HDAC9: variants seen among roughly 807,000 people sequenced by gnomAD.
HDAC9 encodes the protein MEF-2 interacting transcription repressor (MITR) protein.
In HDAC9, 41 loss-of-function variants were observed where a neutral mutation model predicts 139.4. The ratio of observed to expected loss-of-function variants is 0.29; its 90% confidence interval spans 0.23 to 0.38. The LOEUF (loss-of-function observed/expected upper bound fraction) is 0.38, where lower values mean the gene tolerates loss of function less well. HDAC9 is among the 10% of genes least tolerant of loss of function. The pLI, the probability that HDAC9 is intolerant of heterozygous loss-of-function variation, is 1.00. For synonymous variants in HDAC9, 517 were observed against 476.2 expected, an observed-to-expected ratio of 1.09 and a Z score of -1.12; for missense variants, 1,147 against 1,297.0, an observed-to-expected ratio of 0.88 and a Z score of 1.78.
At chr7:18,192,954 G>A (rs1341702806) in intron 2 of HDAC9, among the ~76,000 whole-genome samples, 1 of 152,214 alleles carries the variant, frequency 6.6e-6, no homozygotes, top group African/African-American at 2.4e-5. Context: ...GAAACTGAAA[G>A]AGGCTGATTC....
intron 22 of HDAC9, among the ~76,000 whole-genome samples, chr7:18,881,842 C>T (rs1167111154): frequency 6.6e-6 from 1 of 152,104 alleles, no homozygotes; most frequent in African/African-American, 2.4e-5. Flanking sequence ...TTTCAGGCCA[C>T]AGCAAACATG....
intron 1 of HDAC9, among the ~76,000 whole-genome samples, chr7:18,294,378 T>C (rs1407013379): frequency 1.3e-5 from 2 of 152,122 alleles, no homozygotes; most frequent in African/African-American, 4.8e-5. Context: ...GGGTGTTGTA[T>C]TAATTTAACA....
At chr7:18,396,293 G>T (rs1019560759) in intron 1 of HDAC9, among the ~76,000 whole-genome samples, 2 of 152,008 alleles carry the variant, frequency 1.3e-5, no homozygotes, top group Non-Finnish European at 2.9e-5. Context: ...TTTTAGTGAG[G>T]AATATGGACA....
chr7:18,385,239 A>C (rs1158290052), intron 1 of HDAC9, among the ~76,000 whole-genome samples: 1 of 152,192 alleles, frequency 6.6e-6, no homozygotes, highest in Non-Finnish European at 1.5e-5. Flanking sequence ...CCAGATAAGA[A>C]ATAAGCACTT....
At chr7:18,160,613 TTTATTA>T (rs781001594) in intron 1 of HDAC9, among the ~76,000 whole-genome samples, 1 of 151,966 alleles carries the variant, frequency 6.6e-6, no homozygotes, top group Non-Finnish European at 1.5e-5. Flanking sequence ...AATGTTTGTA[TTTATTA>T]TTATTATTAT....
At chr7:18,435,043 T>G (rs1206240760) in intron 1 of HDAC9, among the ~76,000 whole-genome samples, 5 of 84,456 alleles carry the variant, frequency 5.9e-5, no homozygotes, top group African/African-American at 2.0e-4. Flanking sequence ...CTATACCCCA[T>G]GAAATACTAC....
chr7:18,155,313 G>A (rs1488557540), intron 1 of HDAC9, among the ~76,000 whole-genome samples: 2 of 152,070 alleles, frequency 1.3e-5, no homozygotes, highest in African/African-American at 4.8e-5. Context: ...TTATGATGTA[G>A]AGGCATTTGG....
chr7:18,804,388 C>A (rs1208246428), intron 17 of HDAC9, among the ~76,000 whole-genome samples: 2 of 152,130 alleles, frequency 1.3e-5, no homozygotes, highest in Non-Finnish European at 2.9e-5. Context: ...CACATACACA[C>A]AAACACGCTG....
At chr7:18,556,125 G>A (rs1176904192) in intron 2 of HDAC9, among the ~76,000 whole-genome samples, 1 of 152,012 alleles carries the variant, frequency 6.6e-6, no homozygotes, top group Middle Eastern at 3.4e-3. Flanking sequence ...ATTGTTGGAG[G>A]CAGTTCAAAA....
chr7:18,284,563 T>C lies in HDAC9; in HGVS notation c.25+122214T>C, dbSNP rs892387702. ...ATTATAAAATCTTTGTATATCGTGT[T>C]AGTCTTTGGTTTTGTGGTCAGGATC... On this transcript the variant is annotated intron_variant, in intron 2 of 12. Coordinates refer to the HDAC9 transcript ENST00000417496. Among the ~76,000 whole-genome samples, 7 of 152,302 alleles carry C rather than the reference T, an allele frequency of 4.6e-5. No individual in the cohort carries two copies. In the East Asian group the frequency reaches 1.3e-3, roughly 29 times the overall value.
chr7:18,422,076 T>G (rs190387681), intron 1 of HDAC9, among the ~76,000 whole-genome samples: 1 of 152,334 alleles, frequency 6.6e-6, no homozygotes, highest in African/African-American at 2.4e-5. Context: ...ACTCCATTTA[T>G]TTTCCAGATG....
At chr7:18,534,759 C>T (rs1301080141) in intron 2 of HDAC9, among the ~76,000 whole-genome samples, 2 of 152,128 alleles carry the variant, frequency 1.3e-5, no homozygotes, top group African/African-American at 4.8e-5. Context: ...TCTTGTGTCC[C>T]ACGTTTCTGC....
chr7:18,165,191 ACATGT>A (rs2128129424), intron 2 of HDAC9, among the ~76,000 whole-genome samples: 1 of 152,288 alleles, frequency 6.6e-6, no homozygotes, highest in East Asian at 1.9e-4. Flanking sequence ...CATTTTCAAA[ACATGT>A]CAGATAGTAA....
intron 1 of HDAC9, among the ~76,000 whole-genome samples, chr7:18,324,689 A>G (rs1800301593): frequency 6.6e-6 from 1 of 152,176 alleles, no homozygotes; most frequent in African/African-American, 2.4e-5. Flanking sequence ...AATAAGATTT[A>G]TCCCCCAGAT....
intron 19 of HDAC9, among the ~76,000 whole-genome samples, chr7:18,831,518 G>T (rs1442938384): frequency 6.6e-6 from 1 of 152,104 alleles, no homozygotes; most frequent in Non-Finnish European, 1.5e-5. Context: ...TTCCCAACAG[G>T]CTGTAGTAGA....
chr7:18,585,591 A>G, intron 3 of HDAC9, 69 bp downstream of exon 3: 1 of 1,561,902 alleles, frequency 6.4e-7, no homozygotes, highest in Non-Finnish European at 8.7e-7. Context: ...AACAGTGCCC[A>G]TGGGAACACT....
intron 2 of HDAC9, among the ~76,000 whole-genome samples, chr7:18,168,897 T>TTGTGTG (rs1201294435): frequency 8.3e-4 from 78 of 94,318 alleles, no homozygotes; most frequent in South Asian, 3.0e-3. Flanking sequence ...TTTTTTTTTT[T>TTGTGTG]TGTGTGTGTG....
At chr7:18,123,999 A>C (rs938578413) in intron 1 of HDAC9, among the ~76,000 whole-genome samples, 1 of 152,172 alleles carries the variant, frequency 6.6e-6, no homozygotes, top group Non-Finnish European at 1.5e-5. Flanking sequence ...ATAGGAAACT[A>C]TTTCCCAGAA....
chr7:18,979,407 TTG>T (rs1439039009), intron 25 of HDAC9, among the ~76,000 whole-genome samples: 4 of 152,184 alleles, frequency 2.6e-5, no homozygotes, highest in Admixed American at 6.5e-5. Context: ...CCCAATGGGA[TTG>T]TGTCTCCAAA....
Sources: allele counts gnomAD v4.1 joint callset (sites outside exome capture counted in the v4.1 genomes callset), GRCh38; gene constraint gnomAD v4.1.1; transcripts MANE v1.5; gene names NCBI Gene and HGNC (gene_info 2026-07-23, HGNC 2026-07-21).